The following RBM20 variants were observed in gnomAD, a reference collection of about 807,000 sequenced individuals.
The protein encoded by RBM20 is RNA-binding protein 20.
Under a neutral mutation model 110.1 loss-of-function variants are expected in RBM20, and 51 were observed. That is an observed-to-expected ratio of 0.46 (90% CI 0.37 to 0.59). RBM20 has a LOEUF of 0.59. Among genes scored for constraint, RBM20 ranks in the 20% least tolerant of loss-of-function variants. RBM20 has a pLI of 0.00. For missense variants in RBM20, 1,512 were observed against 1,574.9 expected (o/e 0.96, Z 0.68); for synonymous variants, 589 against 618.2 (o/e 0.95, Z 0.70).
chr10:110,781,282 A>C lies in RBM20; in HGVS notation c.673A>C (p.Thr225Pro). The C allele has an allele frequency of 6.4e-7, 1 of 1,551,710 alleles. No individual in the cohort carries two copies. The change falls in exon 2 of 14, where the codon ACA (threonine) becomes CCA (proline). Residue 225 changes from threonine to proline, a missense_variant. Thr to Pro is a conservative substitution (Grantham distance 38). Coordinates refer to ENST00000369519, the MANE Select transcript of RBM20 (RefSeq NM_001134363.3). The part of the protein sequence containing the change: ...GIGKTGPAPA[T>P]AGFYEYGKAS... ...TGGCAAGACTGGGCCTGCTCCAGCTACAGCAGGATTCTATGAGTATGGCAA... is the reference window on the plus strand; with the variant it reads ...TGGCAAGACTGGGCCTGCTCCAGCTCCAGCAGGATTCTATGAGTATGGCAA...
rs765449675 is a variant in RBM20, at chr10:110,820,058, C to A, written c.2551-14C>A. 6.5e-6 allele frequency: 10 copies of A among 1,528,516 alleles called. No individual in the cohort carries two copies. The African/African-American group carries it at 1.2e-4, about 19-fold the overall frequency. 94.7% of individuals were successfully genotyped at this position (1,528,516 alleles called of 1,614,324 possible). ...CACTGTTGATTTGGTTTGCTCTGTT[C>A]TTCCTTTGATAAGGCTGGAAAAGAG... On this transcript the variant is annotated splice_polypyrimidine_tract_variant and intron_variant, in intron 9 of 13. Coordinates refer to ENST00000369519, the MANE Select transcript of RBM20 (RefSeq NM_001134363.3).
upstream of RBM20, among the ~76,000 whole-genome samples, chr10:110,643,963 C>G (rs559418083): frequency 6.6e-6 from 1 of 152,174 alleles, no homozygotes; most frequent in Non-Finnish European, 1.5e-5. Context: ...CCGCGCGCAC[C>G]GTCCCCAGGG....
rs183810367 is a variant in RBM20, at chr10:110,674,315, C to G, written c.191+29670C>G. 3.3e-4 allele frequency among the ~76,000 whole-genome samples: 51 copies of G among 152,348 alleles called. 1 individual carries two copies. In the East Asian group the frequency reaches 4.2e-3, roughly 13 times the overall value. On this transcript the variant is annotated intron_variant, in intron 1 of 13. Coordinates refer to ENST00000369519, the MANE Select transcript of RBM20 (RefSeq NM_001134363.3). The stretch of plus-strand genomic sequence containing the variant: ...CAGTTCACATATTCTGCACCTGGCT[C>G]TCCTGTTCATGGGGAATTGCTTACA...
At chr10:110,648,166 T>C (rs1379952652) in intron 1 of RBM20, among the ~76,000 whole-genome samples, 1 of 152,210 alleles carries the variant, frequency 6.6e-6, no homozygotes, top group Non-Finnish European at 1.5e-5. Flanking sequence ...TGATGGCTAG[T>C]GTTACCTGCG....
chr10:110,755,218 G>A (rs1266294625), intron 1 of RBM20, among the ~76,000 whole-genome samples: 1 of 152,114 alleles, frequency 6.6e-6, no homozygotes, highest in South Asian at 2.1e-4. Context: ...GGCCCTTTGG[G>A]ACCCAGCTTA....
intron 1 of RBM20, among the ~76,000 whole-genome samples, chr10:110,715,187 G>A (rs1361121979): frequency 1.3e-5 from 2 of 152,188 alleles, no homozygotes; most frequent in African/African-American, 4.8e-5. Context: ...GGCAGAGGCT[G>A]CAGTGAGTCA....
At chr10:110,673,988 G>A (rs962664229) in intron 1 of RBM20, among the ~76,000 whole-genome samples, 2 of 152,170 alleles carry the variant, frequency 1.3e-5, no homozygotes, top group Admixed American at 6.5e-5. Flanking sequence ...GTCTGAGGGT[G>A]TATCTTCCTG....
In RBM20 at chr10:110,838,602, G is replaced by GT. The variant is rs1845163441; in HGVS notation, c.*2625dup. On this transcript the variant is annotated 3_prime_UTR_variant, in exon 14 of 14. Transcript: ENST00000369519. Reference sequence around the variant, plus strand: ...ACTGGACACTTTATCCCCTAGCAAAGTGGGAGAAGATTTTACCAGCTCATT... The same window carrying GT: ...ACTGGACACTTTATCCCCTAGCAAAGTTGGGAGAAGATTTTACCAGCTCATT... The GT allele has an allele frequency of 6.6e-6, 1 of 152,174 alleles. No individual in the cohort carries two copies. The highest frequency in any genetic ancestry group is 2.1e-4 in the South Asian group (1 of 4,832). The allele number at this position is 152,174 out of a possible 1,614,324, so 9.4% of individuals were successfully genotyped here.
intron 1 of RBM20, among the ~76,000 whole-genome samples, chr10:110,710,227 T>C (rs1011581253): frequency 2.6e-5 from 4 of 152,168 alleles, no homozygotes; most frequent in African/African-American, 9.7e-5. Context: ...TCCTTTGTAT[T>C]TGAGGTGGGT....
chr10:110,745,424 T>C (rs1262381190), intron 1 of RBM20, among the ~76,000 whole-genome samples: 2 of 152,210 alleles, frequency 1.3e-5, no homozygotes, highest in Non-Finnish European at 2.9e-5. Context: ...GCTGGCTGTC[T>C]GACAGTGGCT....
chr10:110,720,601 G>A (rs1033721421), intron 1 of RBM20, among the ~76,000 whole-genome samples: 1 of 152,002 alleles, frequency 6.6e-6, no homozygotes, highest in Non-Finnish European at 1.5e-5. Context: ...CCTGGGCCAG[G>A]CCACATGGCC....
rs541043583 is a variant in RBM20 at position 110,644,496 on chromosome 10, C to G, written c.42C>G (p.Ser14Arg). 4.6e-6 allele frequency: 7 copies of G among 1,523,228 alleles called. No homozygotes were observed. The African/African-American group carries it at 7.1e-5, about 16-fold the overall frequency. The allele number at this position is 1,523,228 out of a possible 1,614,324, so 94.4% of individuals were successfully genotyped here. The change falls in exon 1 of 14, where the codon AGC (serine) becomes AGG (arginine). Residue 14 changes from serine to arginine, a missense_variant. By Grantham distance (110) the Ser-to-Arg change is moderately radical (BLOSUM62 -1). Coordinates refer to ENST00000369519, the MANE Select transcript of RBM20 (RefSeq NM_001134363.3). The surrounding 1 kb of genome is among the most constrained non-coding windows in gnomAD (Gnocchi z 4.3). The stretch of plus-strand genomic sequence containing the variant: ...CCATGAGCCAGGACGCGGACCCCAG[C>G]GGTCCGGAGCAGCCGGACAGAGTTG... ...AAAMSQDADP[S>R]GPEQPDRVAC...
At chr10:110,717,933 A>T (rs1843453706) in intron 1 of RBM20, among the ~76,000 whole-genome samples, 1 of 152,246 alleles carries the variant, frequency 6.6e-6, no homozygotes, top group Non-Finnish European at 1.5e-5. Context: ...GGACTAGTGC[A>T]TGGAGAGAAA....
intron 1 of RBM20, among the ~76,000 whole-genome samples, chr10:110,692,739 G>A (rs1404092762): frequency 1.3e-5 from 2 of 152,066 alleles, no homozygotes; most frequent in African/African-American, 4.8e-5. Flanking sequence ...TCATTTCTTT[G>A]TCTTGCCTAA....
chr10:110,677,926 C>T (rs1308628947), intron 1 of RBM20, among the ~76,000 whole-genome samples: 2 of 152,122 alleles, frequency 1.3e-5, no homozygotes, highest in Non-Finnish European at 2.9e-5. Context: ...GCTTAACCCT[C>T]GGGGAACTTC....
At chr10:110,799,715 C>T (rs1485845938) in intron 6 of RBM20, 72 bp from the exon 7 acceptor site, 1 of 1,442,370 alleles carries the variant, frequency 6.9e-7, no homozygotes, top group Non-Finnish European at 9.3e-7. Context: ...GACGTGGAAT[C>T]ATGCCTTGTG....
At chr10:110,751,404 C>CA (rs1346639213) in intron 1 of RBM20, among the ~76,000 whole-genome samples, 2 of 152,182 alleles carry the variant, frequency 1.3e-5, no homozygotes, top group Non-Finnish European at 2.9e-5. Context: ...TACCACTCTC[C>CA]AAAAAGATAC....
chr10:110,794,757 TTGAC>T (rs1441622483), intron 5 of RBM20, among the ~76,000 whole-genome samples: 2 of 152,246 alleles, frequency 1.3e-5, no homozygotes, highest in Non-Finnish European at 2.9e-5. Flanking sequence ...TTTTTAAAAT[TTGAC>T]TGGAAATTTT....
At chr10:110,782,688 T>C (rs549867445) in intron 2 of RBM20, among the ~76,000 whole-genome samples, 1 of 152,202 alleles carries the variant, frequency 6.6e-6, no homozygotes, top group Admixed American at 6.5e-5. Context: ...AGAGTGGAGA[T>C]TCAAATGTGG....
Sources: allele counts gnomAD v4.1 joint callset (sites outside exome capture counted in the v4.1 genomes callset), GRCh38; gene constraint gnomAD v4.1.1; non-coding constraint Gnocchi (gnomAD v3.1); transcripts MANE v1.5; gene names NCBI Gene and HGNC (gene_info 2026-07-23, HGNC 2026-07-21).